Variants in FAM13C observed in about 807,000 individuals in gnomAD.
FAM13C encodes protein FAM13C.
Under a neutral mutation model 73.2 loss-of-function variants are expected in FAM13C, and 37 were observed. The ratio of observed to expected loss-of-function variants is 0.51; its 90% CI spans 0.39 to 0.67. FAM13C has a LOEUF of 0.67. Among genes scored for constraint, FAM13C ranks in the 30% least tolerant of loss-of-function variants. FAM13C has a pLI of 0.00. For synonymous variants in FAM13C, 246 were observed against 260.9 expected (o/e 0.94, Z 0.55); for missense variants, 589 against 715.6 (o/e 0.82, Z 2.02).
At chr10:59,339,153 A>G (rs1045922575) in intron 3 of FAM13C, among the ~76,000 whole-genome samples, 1 of 152,086 alleles carries the variant, frequency 6.6e-6, no homozygotes, top group Non-Finnish European at 1.5e-5. Flanking sequence ...TCTACTTGTA[A>G]GGACACCAGG....
At chr10:59,323,966 C>T in intron 4 of FAM13C, 22 bp downstream of exon 4, 1 of 1,588,064 alleles carries the variant, frequency 6.3e-7, no homozygotes, top group Non-Finnish European at 8.6e-7. Context: ...CACAGAATAG[C>T]TTCTGATAAC....
intron 4 of FAM13C, among the ~76,000 whole-genome samples, chr10:59,309,775 G>C (rs892409786): frequency 6.6e-6 from 1 of 152,162 alleles, no homozygotes; most frequent in Non-Finnish European, 1.5e-5. Flanking sequence ...GTGGAGCAAG[G>C]ACCATAGCAG....
intron 4 of FAM13C, among the ~76,000 whole-genome samples, chr10:59,317,556 AAATTTGTTC>A (rs1333012495): frequency 6.6e-6 from 1 of 152,144 alleles, no homozygotes; most frequent in Non-Finnish European, 1.5e-5. Flanking sequence ...ATGGAAAATT[AAATTTGTTC>A]AATTTAGCCA....
intron 11 of FAM13C, among the ~76,000 whole-genome samples, 164 bp from the exon 12 acceptor site, chr10:59,253,162 C>A (rs575123447): frequency 2.0e-5 from 3 of 152,300 alleles, no homozygotes; most frequent in African/African-American, 7.2e-5. Flanking sequence ...AGCTCTTCCG[C>A]AGTTTCATTA....
chr10:59,267,522 G>C (rs1245063092), intron 8 of FAM13C, among the ~76,000 whole-genome samples: 1 of 152,154 alleles, frequency 6.6e-6, no homozygotes, highest in Non-Finnish European at 1.5e-5. Flanking sequence ...TCAACATCCT[G>C]ACTAAAGTTG....
chr10:59,283,640 G>A (rs1226432512), intron 5 of FAM13C, 193 bp from the exon 6 acceptor site: 7 of 643,270 alleles, frequency 1.1e-5, no homozygotes, highest in Non-Finnish European at 2.0e-5. Context: ...CTGCTTCAGG[G>A]AAAGAACTGG....
intron 4 of FAM13C, among the ~76,000 whole-genome samples, chr10:59,310,025 T>C (rs1185299232): frequency 2.0e-5 from 3 of 152,162 alleles, no homozygotes; most frequent in East Asian, 1.9e-4. Context: ...CCTGAAGAGA[T>C]CTATGAAAGA....
At chr10:59,327,209 TA>T (rs1393443747) in intron 3 of FAM13C, among the ~76,000 whole-genome samples, 1 of 152,158 alleles carries the variant, frequency 6.6e-6, no homozygotes, top group African/African-American at 2.4e-5. Flanking sequence ...TGACCAGCTT[TA>T]AAAAATAATT....
intron 2 of FAM13C, among the ~76,000 whole-genome samples, chr10:59,352,709 T>G (rs1468108703): frequency 6.6e-6 from 1 of 152,210 alleles, no homozygotes; most frequent in Non-Finnish European, 1.5e-5. Flanking sequence ...TTTGTGTAGG[T>G]GTAACTATAC....
chr10:59,336,657 C>T (rs962733103), intron 3 of FAM13C, among the ~76,000 whole-genome samples: 1 of 152,176 alleles, frequency 6.6e-6, no homozygotes, highest in Non-Finnish European at 1.5e-5. Flanking sequence ...TGCTTTTCTC[C>T]CTCCAATGGG....
At chr10:59,270,168 T>A in intron 6 of FAM13C, 59 bp from the exon 7 acceptor site, 1 of 1,504,276 alleles carries the variant, frequency 6.6e-7, no homozygotes, top group South Asian at 1.2e-5. Flanking sequence ...GAGACTGTCA[T>A]GTTCCTAAAT....
chr10:59,263,955 G>A, intron 9 of FAM13C, 130 bp downstream of exon 9: 2 of 824,222 alleles, frequency 2.4e-6, no homozygotes, highest in Non-Finnish European at 4.2e-6. Context: ...TCAAAAGGGA[G>A]TTACAGTCTA....
rs1842496901 is a variant in FAM13C at position 59,261,476 on chromosome 10, C to T, written c.1236+958G>A. ...AAAGGAGGCATTCTCCTCAAGAAGA[C>T]TTCATTTGAAAATTAAATATGCTAG... On this transcript the variant is annotated intron_variant, in intron 10 of 13. Transcript: ENST00000618804. Among the ~76,000 whole-genome samples the T allele has an allele frequency of 2.0e-5, 3 of 152,162 alleles. No individual in the cohort carries two copies. In the South Asian group the frequency reaches 6.2e-4, roughly 31 times the overall value.
chr10:59,296,931 A>G (rs780182469), intron 5 of FAM13C: 2 of 152,264 alleles, frequency 1.3e-5, no homozygotes, highest in Admixed American at 6.5e-5. Flanking sequence ...GTCAATTAAC[A>G]GCAAAAATAT....
chr10:59,289,057 T>C (rs1028504474), intron 5 of FAM13C, among the ~76,000 whole-genome samples: 1 of 152,152 alleles, frequency 6.6e-6, no homozygotes, highest in African/African-American at 2.4e-5. Flanking sequence ...AGAAGACAAT[T>C]TTTCCATGGA....
chr10:59,362,371 T>G (rs1430235224), intron 1 of FAM13C, 28 bp downstream of exon 1: 3 of 1,611,902 alleles, frequency 1.9e-6, no homozygotes, highest in Admixed American at 1.7e-5. Flanking sequence ...GGCATGCAAG[T>G]CTAATTTTAA....
intron 13 of FAM13C, among the ~76,000 whole-genome samples, chr10:59,250,880 G>GCTCATAAAAT (rs1447634977): frequency 1.3e-5 from 2 of 152,142 alleles, no homozygotes; most frequent in Non-Finnish European, 2.9e-5. Flanking sequence ...AACCATTTCA[G>GCTCATAAAAT]CTCATAAAAT....
chr10:59,311,209 A>G (rs1302366134), intron 4 of FAM13C, among the ~76,000 whole-genome samples: 1 of 152,196 alleles, frequency 6.6e-6, no homozygotes, highest in Non-Finnish European at 1.5e-5. Flanking sequence ...CAATGCCCAG[A>G]GAATGGGTGA....
chr10:59,326,756 C>A (rs1406398060), intron 3 of FAM13C, among the ~76,000 whole-genome samples: 1 of 152,178 alleles, frequency 6.6e-6, no homozygotes, highest in Non-Finnish European at 1.5e-5. Context: ...CTTCTAATTT[C>A]TAGGCTTTAA....
Sources: allele counts gnomAD v4.1 joint callset (sites outside exome capture counted in the v4.1 genomes callset), GRCh38; gene constraint gnomAD v4.1.1; transcripts MANE v1.5; gene names NCBI Gene and HGNC (gene_info 2026-07-23, HGNC 2026-07-21).